The following SLC13A1 variants were observed in gnomAD, a reference collection of about 807,000 sequenced individuals.
SLC13A1 encodes Na(+)/sulfate cotransporter.
SLC13A1 carries 65 observed loss-of-function variants against 70.0 expected under a neutral mutation model. The ratio of observed to expected loss-of-function variants is 0.93; its 90% CI spans 0.76 to 1.14. The LOEUF (loss-of-function observed/expected upper bound fraction) is 1.14. SLC13A1 is among the 50% of genes most tolerant of loss of function. SLC13A1 has a pLI of 0.00. For missense variants in SLC13A1, 726 were observed against 717.8 expected, an observed-to-expected ratio of 1.01 and a Z score of -0.13; for synonymous variants, 275 against 250.5, an observed-to-expected ratio of 1.10 and a Z score of -0.92.
chr7:123,142,660 G>GAGTTTTACTCTATTGCCC (rs140530822), intron 7 of SLC13A1, among the ~76,000 whole-genome samples: 1 of 132,690 alleles, frequency 7.5e-6, no homozygotes, highest in Admixed American at 7.4e-5. Context: ...TTTTTTGATG[G>GAGTTTTACTCTATTGCCC]AGGCTGGAGT....
At position 123,147,268 on chromosome 7, in the gene SLC13A1, C is replaced by T. The variant is rs774399049; in HGVS notation, c.703G>A (p.Val235Met). ...RTKYRTKKGH[V>M]TRKLTCLCIA... ...CACAAACACGTAAGTTTACGTGTCA[C>T]GTGGCCCTTCTTTGTTCGATATTTG... Residue 235 changes from valine to methionine, a missense_variant, in exon 7 of 15, where the codon GTG becomes ATG. Coordinates refer to ENST00000194130, the MANE Select transcript of SLC13A1 (RefSeq NM_022444.4). The T allele has an allele frequency of 1.2e-5, 19 of 1,613,482 alleles. No individual in the cohort carries two copies. The highest frequency in any genetic ancestry group is 6.7e-5 in the African/African-American group (5 of 74,888).
Position 123,199,887 on chromosome 7 carries a change from C to T in SLC13A1, c.60G>A (p.Val20=). ...CGATGGGCAGAGGTAGTAAAACCAA[C>T]ACAGTGAAAACCACGAAGAGAAATC... is the stretch of plus-strand genomic sequence containing the variant. The part of the protein sequence containing the change: ...YRRFLFVVFT[V]LVLLPLPIVL... Residue 20 remains valine (V), a synonymous_variant, in exon 1 of 15, where the codon GTG becomes GTA. Coordinates refer to ENST00000194130, the MANE Select transcript of SLC13A1 (RefSeq NM_022444.4). 1 of 1,613,084 alleles carries T rather than the reference C, an allele frequency of 6.2e-7. No homozygotes were observed. Among genetic ancestry groups the T allele is most frequent in the Non-Finnish European group, 8.5e-7 (1 of 1,179,350 alleles).
At chr7:123,117,026 A>G (rs1793202337) in intron 14 of SLC13A1, among the ~76,000 whole-genome samples, 2 of 152,206 alleles carry the variant, frequency 1.3e-5, no homozygotes, top group African/African-American at 4.8e-5. Flanking sequence ...ATACTTCTTC[A>G]TCAGTGAGGC....
chr7:123,179,632 C>G (rs1210973151), intron 2 of SLC13A1, among the ~76,000 whole-genome samples: 1 of 152,108 alleles, frequency 6.6e-6, no homozygotes, highest in African/African-American at 2.4e-5. Flanking sequence ...CAAAGCCAGC[C>G]CTTCCCAGGC....
intron 1 of SLC13A1, among the ~76,000 whole-genome samples, chr7:123,190,928 CTT>C (rs986983061): frequency 6.6e-6 from 1 of 151,924 alleles, no homozygotes; most frequent in Non-Finnish European, 1.5e-5. Flanking sequence ...ATTTGTTTCT[CTT>C]TTTTTGTTTT....
intron 14 of SLC13A1, among the ~76,000 whole-genome samples, chr7:123,116,822 G>C (rs1380746236): frequency 1.3e-5 from 2 of 152,080 alleles, no homozygotes; most frequent in African/African-American, 4.8e-5. Flanking sequence ...TTATCATTTG[G>C]GTTGGTTTGG....
At chr7:123,165,811 T>C (rs1795051464) in intron 6 of SLC13A1, among the ~76,000 whole-genome samples, 1 of 152,220 alleles carries the variant, frequency 6.6e-6, no homozygotes, top group Non-Finnish European at 1.5e-5. Context: ...TTTGAATTAG[T>C]TGTACTCTCT....
intron 1 of SLC13A1, among the ~76,000 whole-genome samples, chr7:123,188,589 T>C (rs1420572557): frequency 6.6e-6 from 1 of 152,164 alleles, no homozygotes; most frequent in African/African-American, 2.4e-5. Context: ...TTTATAGTTC[T>C]TTTTCATTTT....
chr7:123,172,762 A>T (rs1213539015), intron 2 of SLC13A1, among the ~76,000 whole-genome samples: 1 of 152,120 alleles, frequency 6.6e-6, no homozygotes, highest in East Asian at 1.9e-4. Flanking sequence ...TTTCTTAAAG[A>T]ATACTTTGAA....
intron 8 of SLC13A1, among the ~76,000 whole-genome samples, chr7:123,131,964 G>T (rs889794958): frequency 2.0e-5 from 3 of 152,138 alleles, no homozygotes; most frequent in African/African-American, 7.2e-5. Context: ...GTTTGATAAA[G>T]TCATTAAATG....
intron 2 of SLC13A1, 143 bp from the exon 3 acceptor site, chr7:123,172,047 T>C (rs1054004228): frequency 1.3e-6 from 1 of 745,068 alleles, no homozygotes; most frequent in Non-Finnish European, 2.1e-6. Context: ...TAGATGTGTT[T>C]GAATACAAAT....
intron 3 of SLC13A1, among the ~76,000 whole-genome samples, chr7:123,170,815 G>C (rs1795245236): frequency 6.6e-6 from 1 of 151,872 alleles, no homozygotes; most frequent in Admixed American, 6.6e-5. Context: ...CCCCACCTCA[G>C]GCGATCGCCC....
At chr7:123,159,929 T>G (rs1306470436) in intron 6 of SLC13A1, among the ~76,000 whole-genome samples, 1 of 151,888 alleles carries the variant, frequency 6.6e-6, no homozygotes, top group Non-Finnish European at 1.5e-5. Flanking sequence ...AATACCAGCT[T>G]TATAAAAGCT....
chr7:123,179,908 C>A (rs979132580), intron 2 of SLC13A1, among the ~76,000 whole-genome samples: 4 of 152,108 alleles, frequency 2.6e-5, no homozygotes, highest in African/African-American at 7.2e-5. Flanking sequence ...TCAACCCCTT[C>A]TTTTTTTATT....
At chr7:123,136,167 G>A (rs553928205) in intron 7 of SLC13A1, among the ~76,000 whole-genome samples, 101 of 152,248 alleles carry the variant, frequency 6.6e-4, no homozygotes, top group Middle Eastern at 3.4e-3. Context: ...CTCATATCTT[G>A]AAATCAGTAT....
At chr7:123,187,139 A>G (rs1198053414) in intron 1 of SLC13A1, among the ~76,000 whole-genome samples, 3 of 152,124 alleles carry the variant, frequency 2.0e-5, no homozygotes, top group African/African-American at 7.2e-5. Context: ...AAATTCCATT[A>G]GATCATAGGC....
At chr7:123,179,562 C>T (rs1166864597) in intron 2 of SLC13A1, among the ~76,000 whole-genome samples, 1 of 152,118 alleles carries the variant, frequency 6.6e-6, no homozygotes, top group East Asian at 1.9e-4. Flanking sequence ...ATTTTGCTGC[C>T]TTTAGTCAGG....
intron 7 of SLC13A1, among the ~76,000 whole-genome samples, chr7:123,142,638 C>CTT (rs753775300): frequency 5.9e-5 from 7 of 118,822 alleles, no homozygotes; most frequent in Admixed American, 8.6e-5. Context: ...GGGGCAAGAA[C>CTT]TTTTTTTTTT....
chr7:123,147,029 G>T, intron 7 of SLC13A1, 130 bp downstream of exon 7: 1 of 849,402 alleles, frequency 1.2e-6, no homozygotes, highest in Non-Finnish European at 1.8e-6. Context: ...ATCTATAGAT[G>T]TCCTGAAGGG....
Sources: gnomAD v4.1 joint callset for allele counts (sites outside exome capture counted in the v4.1 genomes callset) on GRCh38, gnomAD v4.1.1 for gene constraint, MANE v1.5 for transcripts, NCBI Gene and HGNC (gene_info 2026-07-23, HGNC 2026-07-21) for gene names.